RAPGEF4: variants seen among roughly 807,000 people sequenced by gnomAD.
The protein encoded by RAPGEF4 is RAP guanine-nucleotide-exchange factor (GEF) 4.
Under a neutral mutation model 147.9 loss-of-function variants are expected in RAPGEF4, and 66 were observed. The ratio of observed to expected loss-of-function variants is 0.45; its 90% confidence interval spans 0.37 to 0.55. The LOEUF is 0.55. Ranked by LOEUF, RAPGEF4 falls within the 20% of genes least tolerant of loss-of-function variation. The probability of loss-of-function intolerance (pLI) is 0.00; values close to 1 mark genes in which losing one functional copy is unlikely to be tolerated. For synonymous variants in RAPGEF4, 419 were observed against 442.7 expected (o/e 0.95, Z 0.67); for missense variants, 1,071 against 1,257.3 (o/e 0.85, Z 2.24).
chr2:173,022,297 G>T (rs1696177659), intron 23 of RAPGEF4, among the ~76,000 whole-genome samples: 1 of 152,204 alleles, frequency 6.6e-6, no homozygotes, highest in African/African-American at 2.4e-5. Flanking sequence ...ACACAGTCCT[G>T]CAGCCTTCCA....
intron 6 of RAPGEF4, among the ~76,000 whole-genome samples, chr2:172,936,972 G>A (rs368633314): frequency 4.3e-5 from 6 of 139,648 alleles, no homozygotes; most frequent in African/African-American, 1.6e-4. Context: ...GGCCAAGGTA[G>A]GAGGATCACT....
chr2:172,736,037 C>T lies in RAPGEF4; in HGVS notation c.54C>T (p.Cys18=). The T allele has an allele frequency of 1.4e-6, 2 of 1,441,232 alleles. No individual in the cohort carries two copies. Among genetic ancestry groups the T allele is most frequent in the Non-Finnish European group, 9.1e-7 (1 of 1,100,122 alleles). The allele number at this position is 1,441,232 out of a possible 1,614,324, so 89.3% of individuals were successfully genotyped here. A position where few individuals can be genotyped will look rare whatever the true frequency, so the allele number is the denominator to read the frequency against. The change falls in exon 1 of 31, where the codon TGC becomes TGT. Residue 18 remains cysteine, a synonymous_variant. Coordinates refer to ENST00000397081, the MANE Select transcript of RAPGEF4 (RefSeq NM_007023.4). ...HSSSSAEWIA[C]LDKRPLERSS... ...CCTCCTCTGCCGAGTGGATCGCCTG[C>T]CTGGATAAAAGGTAGCTCGCCGGGG...
chr2:172,947,271 A>C (rs189557974), intron 6 of RAPGEF4, among the ~76,000 whole-genome samples: 64 of 152,354 alleles, frequency 4.2e-4, no homozygotes, highest in African/African-American at 1.4e-3. Context: ...ATTTAAATAA[A>C]ATAGCTGTAA....
At chr2:172,776,176 A>G (rs1684141583) in intron 1 of RAPGEF4, among the ~76,000 whole-genome samples, 1 of 152,178 alleles carries the variant, frequency 6.6e-6, no homozygotes, top group Non-Finnish European at 1.5e-5. Flanking sequence ...AATCTCAGAA[A>G]ATTGAGTCCC....
chr2:172,844,911 T>C (rs948749468), intron 4 of RAPGEF4, among the ~76,000 whole-genome samples: 6 of 152,226 alleles, frequency 3.9e-5, no homozygotes, highest in African/African-American at 1.2e-4. Flanking sequence ...TGAGCAAATA[T>C]GTATATGAAT....
intron 4 of RAPGEF4, among the ~76,000 whole-genome samples, chr2:172,842,556 G>A (rs1235284705): frequency 6.6e-6 from 1 of 152,292 alleles, no homozygotes; most frequent in Non-Finnish European, 1.5e-5. Context: ...TCACCCAAAG[G>A]ATCGCTCCTG....
At chr2:173,026,525 C>T (rs1188611164) in intron 23 of RAPGEF4, 47 bp from the exon 24 acceptor site, 3 of 1,587,164 alleles carry the variant, frequency 1.9e-6, no homozygotes, top group Non-Finnish European at 2.6e-6. Context: ...GTGCTAAATA[C>T]TTGTCTGTGT....
At chr2:172,870,647 C>T (rs1186598946) in intron 4 of RAPGEF4, among the ~76,000 whole-genome samples, 5 of 152,006 alleles carry the variant, frequency 3.3e-5, no homozygotes, top group African/African-American at 1.2e-4. Context: ...GCTTCAGTCA[C>T]GGTGGGATGT....
intron 10 of RAPGEF4, among the ~76,000 whole-genome samples, chr2:172,970,041 G>A (rs994043705): frequency 2.0e-5 from 3 of 152,138 alleles, no homozygotes; most frequent in African/African-American, 7.2e-5. Context: ...GCAAACGTTG[G>A]AATTGGGCTG....
At chr2:172,921,872 C>T (rs372254477) in intron 5 of RAPGEF4, among the ~76,000 whole-genome samples, 36 of 152,284 alleles carry the variant, frequency 2.4e-4, no homozygotes, top group African/African-American at 7.9e-4. Flanking sequence ...TCACTAGAGC[C>T]GAGTGGAGTG....
At chr2:172,915,413 A>G (rs1683955829) in intron 4 of RAPGEF4, among the ~76,000 whole-genome samples, 1 of 152,082 alleles carries the variant, frequency 6.6e-6, no homozygotes, top group Admixed American at 6.6e-5. Flanking sequence ...AAATGATATG[A>G]TATCTGACCA....
chr2:173,010,009 A>T (rs1694857453), intron 17 of RAPGEF4, among the ~76,000 whole-genome samples: 1 of 152,254 alleles, frequency 6.6e-6, no homozygotes, highest in African/African-American at 2.4e-5. Context: ...AGGTAAAAAG[A>T]GTACTGGGGA....
intron 1 of RAPGEF4, among the ~76,000 whole-genome samples, chr2:172,737,708 G>GAA (rs11319302): frequency 1.4e-5 from 2 of 139,556 alleles, no homozygotes; most frequent in Non-Finnish European, 3.1e-5. Flanking sequence ...AAAAATCTAG[G>GAA]AAAAAAAAAA....
chr2:172,846,029 G>A (rs993044853), intron 4 of RAPGEF4, among the ~76,000 whole-genome samples: 3 of 152,174 alleles, frequency 2.0e-5, no homozygotes, highest in African/African-American at 4.8e-5. Context: ...CCTCCTCACC[G>A]CAGCAGGAGG....
Position 172,954,798 on chromosome 2 carries a change from T to G in RAPGEF4, c.538-5962T>G, listed in dbSNP as rs538403001. ...TACTGCTCTCTACCTCCTAGAAATGTCCTCAGCTGAAATAAGAAAAGGGGG... is the reference window on the plus strand; with the variant it reads ...TACTGCTCTCTACCTCCTAGAAATGGCCTCAGCTGAAATAAGAAAAGGGGG... On this transcript the variant is annotated intron_variant, in intron 6 of 30. Coordinates refer to ENST00000397081, the MANE Select transcript of RAPGEF4 (RefSeq NM_007023.4). Among the ~76,000 whole-genome samples, 6 of 152,328 alleles carry G rather than the reference T, an allele frequency of 3.9e-5. No individual in the cohort carries two copies. The East Asian group carries it at 1.2e-3, about 29-fold the overall frequency.
chr2:173,003,536 C>A (rs1202194762), intron 17 of RAPGEF4, among the ~76,000 whole-genome samples: 3 of 152,124 alleles, frequency 2.0e-5, no homozygotes, highest in Admixed American at 2.0e-4. Context: ...CAATATTATA[C>A]CACTCTATCC....
chr2:173,008,119 T>A (rs762159849), intron 17 of RAPGEF4, among the ~76,000 whole-genome samples: 3 of 152,296 alleles, frequency 2.0e-5, no homozygotes, highest in Non-Finnish European at 4.4e-5. Flanking sequence ...TGAGATCTGA[T>A]GGTTTTATAA....
chr2:172,801,254 A>G (rs1686947302), intron 3 of RAPGEF4, among the ~76,000 whole-genome samples: 1 of 152,164 alleles, frequency 6.6e-6, no homozygotes, highest in Non-Finnish European at 1.5e-5. Flanking sequence ...GAGGAGGATG[A>G]TAAAAGTGAA....
chr2:172,937,920 T>C (rs1389888368), intron 6 of RAPGEF4, among the ~76,000 whole-genome samples: 5 of 152,186 alleles, frequency 3.3e-5, no homozygotes, highest in African/African-American at 1.2e-4. Flanking sequence ...GGGAGCTCTT[T>C]CCCTTGGCTC....
Sources: gnomAD v4.1 joint callset for allele counts (sites outside exome capture counted in the v4.1 genomes callset) on GRCh38, gnomAD v4.1.1 for gene constraint, MANE v1.5 for transcripts, NCBI Gene and HGNC (gene_info 2026-07-23, HGNC 2026-07-21) for gene names.